The following SEC31A variants were observed in gnomAD, a reference collection of about 807,000 sequenced individuals.
SEC31A encodes SEC31 homolog A, COPII component, also known as protein transport protein Sec31A.
A neutral mutation model predicts 151.0 loss-of-function variants in SEC31A; 70 were observed. The observed-to-expected ratio is 0.46, with a 90% CI of 0.38 to 0.57. The LOEUF is 0.57. Ranked by LOEUF, SEC31A falls within the 20% of genes least tolerant of loss-of-function variation. The pLI, the probability that SEC31A is intolerant of heterozygous loss-of-function variation, is 0.00. For synonymous variants in SEC31A, 475 were observed against 505.9 expected, an observed-to-expected ratio of 0.94 and a Z score of 0.82; for missense variants, 1,330 against 1,471.2, an observed-to-expected ratio of 0.90 and a Z score of 1.57.
intron 22 of SEC31A, among the ~76,000 whole-genome samples, chr4:82,833,432 TA>T (rs942629434): frequency 8.0e-5 from 12 of 150,700 alleles, no homozygotes; most frequent in Admixed American, 5.9e-4. Context: ...AACATTAGGA[TA>T]AATACCTAAT....
At chr4:82,819,619 T>A (rs1311700933) in intron 26 of SEC31A, among the ~76,000 whole-genome samples, 4 of 152,192 alleles carry the variant, frequency 2.6e-5, no homozygotes, top group African/African-American at 4.8e-5. Flanking sequence ...AGATTCTTAA[T>A]CATAATATCT....
chr4:82,848,746 C>T (rs981492790), intron 20 of SEC31A, 58 bp downstream of exon 20: 8 of 1,481,390 alleles, frequency 5.4e-6, no homozygotes, highest in Non-Finnish European at 7.3e-6. Context: ...AAATGAAAAC[C>T]ACCAATTTGA....
At chr4:82,889,989 A>T (rs993680541) in intron 1 of SEC31A, among the ~76,000 whole-genome samples, 3 of 152,064 alleles carry the variant, frequency 2.0e-5, no homozygotes. Context: ...GCACTTCGGG[A>T]GGCCAACTCG....
At chr4:82,885,349 G>C (rs1740446389) in intron 1 of SEC31A, among the ~76,000 whole-genome samples, 1 of 151,882 alleles carries the variant, frequency 6.6e-6, no homozygotes, top group African/African-American at 2.4e-5. Flanking sequence ...TTCATTGTCT[G>C]TTTTCTTTTT....
Position 82,828,989 on chromosome 4 carries a change from T to C in SEC31A, c.3027+11A>G. On this transcript the variant is annotated intron_variant, in intron 23 of 26. Transcript: ENST00000395310. ...TCTGTAGGCCATTGGATGGACATCT[T>C]TTTCTAGTACCTTCTTCTTTTTGGG... 4 of 1,611,930 alleles carry C rather than the reference T, an allele frequency of 2.5e-6. No individual in the cohort carries two copies.
rs992540701 is a variant in SEC31A, at chr4:82,850,083, C to T, written c.2329-1106G>A. The stretch of plus-strand genomic sequence containing the variant: ...AATAGGAAACAACATCAAAATTATG[C>T]TTTTTGGCCTAAAGAATGTTCTTTA... On this transcript the variant is annotated intron_variant, in intron 19 of 26. Transcript: ENST00000395310. 4.0e-5 allele frequency among the ~76,000 whole-genome samples: 6 copies of T among 149,104 alleles called. No homozygotes were observed. In the East Asian group the frequency reaches 1.2e-3, roughly 30 times the overall value.
intron 1 of SEC31A, among the ~76,000 whole-genome samples, chr4:82,883,760 T>C (rs1176061582): frequency 1.3e-5 from 2 of 151,698 alleles, no homozygotes; most frequent in African/African-American, 4.8e-5. Context: ...GCCCGGGAAG[T>C]TGAGGCTGCA....
At chr4:82,879,138 T>G (rs2125805296) in intron 3 of SEC31A, among the ~76,000 whole-genome samples, 1 of 152,314 alleles carries the variant, frequency 6.6e-6, no homozygotes, top group Admixed American at 6.5e-5. Flanking sequence ...TTGTAATCCT[T>G]AAAGAGTAAA....
chr4:82,882,225 G>A lies in SEC31A; in HGVS notation c.-4-285C>T, dbSNP rs569190141. ...GAGACCATCCTGGCTAACATGGTGA[G>A]ACCCCATCTCTACTAAAAATACAAA... On this transcript the variant is annotated intron_variant, in intron 1 of 26. Coordinates refer to ENST00000395310, the MANE Select transcript of SEC31A (RefSeq NM_001077207.4). 6.7e-3 allele frequency among the ~76,000 whole-genome samples: 1,019 copies of A among 151,772 alleles called. 10 individuals carry two copies. Among genetic ancestry groups the A allele is most frequent in the African/African-American group, 0.022 (927 of 41,368 alleles).
In SEC31A at chr4:82,864,564, C is replaced by T. The variant is rs1312929028; in HGVS notation, c.1232G>A (p.Arg411Lys). ...GGKLVTFENV[R>K]MPSHQGAEQQ... ...CTCAGCTCCCTGATGAGAAGGCATT[C>T]TGACATTCTCAAACGTAACCAGTTT... The change falls in exon 11 of 27, where the codon AGA (arginine) becomes AAA (lysine). Residue 411 changes from arginine (R) to lysine (K), a missense_variant. Arg to Lys is a conservative substitution (Grantham distance 26). Transcript: ENST00000395310. The T allele has an allele frequency of 6.2e-7, 1 of 1,614,014 alleles. No individual in the cohort carries two copies.
rs971934725 is a variant in SEC31A, at chr4:82,857,722, A to T, written c.1669T>A (p.Ser557Thr). 5.6e-6 allele frequency: 9 copies of T among 1,604,348 alleles called. No individual in the cohort carries two copies. The highest frequency in any genetic ancestry group is 6.8e-6 in the Non-Finnish European group (8 of 1,171,614). ...EKEESEFLPS[S>T]GGTFNISVSG... ...ACAGAGATATTAAATGTTCCTCCAG[A>T]TGAGGGTAGAAATTCAGATTCTTCT... Residue 557 changes from serine to threonine, a missense_variant, in exon 15 of 27, where the codon TCT becomes ACT. Transcript: ENST00000395310.
rs759613445 is a variant in SEC31A at position 82,863,443 on chromosome 4, G to A, written c.1435-51C>T. 2.9e-5 allele frequency: 29 copies of A among 993,596 alleles called. 1 individual carries two copies. Among genetic ancestry groups the A allele is most frequent in the South Asian group, 1.9e-4 (12 of 63,596 alleles). 61.5% of individuals were successfully genotyped at this position (993,596 alleles called of 1,614,324 possible). ...AAACAAAGACCTACATTTAAAGGCC[G>A]AATTTTTATAAGAATGAATCAAATT... On this transcript the variant is annotated intron_variant, in intron 11 of 26. Coordinates refer to ENST00000395310, the MANE Select transcript of SEC31A (RefSeq NM_001077207.4).
At chr4:82,871,832 C>T in intron 7 of SEC31A, 112 bp downstream of exon 7, 1 of 1,365,674 alleles carries the variant, frequency 7.3e-7, no homozygotes, top group Non-Finnish European at 1.0e-6. Flanking sequence ...GAGCAAAACT[C>T]CATCTAAAAA....
chr4:82,871,387 C>G, intron 7 of SEC31A: 1 of 1,526,056 alleles, frequency 6.6e-7, no homozygotes. Flanking sequence ...GGCATGAAAT[C>G]TAACTGCAGT....
chr4:82,872,119 C>A, intron 6 of SEC31A, 33 bp from the exon 7 acceptor site: 1 of 1,551,894 alleles, frequency 6.4e-7, no homozygotes, highest in South Asian at 1.1e-5. Flanking sequence ...TTTTATGAAT[C>A]AAATTACTTT....
chr4:82,832,266 C>A (rs541988097), intron 22 of SEC31A, among the ~76,000 whole-genome samples: 77 of 152,274 alleles, frequency 5.1e-4, no homozygotes, highest in Non-Finnish European at 8.4e-4. Flanking sequence ...CATCTACCAG[C>A]ATCTGATATT....
intron 14 of SEC31A, among the ~76,000 whole-genome samples, chr4:82,861,239 T>A (rs188258686): frequency 6.6e-6 from 1 of 152,344 alleles, no homozygotes; most frequent in Admixed American, 6.5e-5. Context: ...TGTTCAGTAC[T>A]AATTCAGAGG....
chr4:82,825,141 A>T (rs547252935), intron 24 of SEC31A, among the ~76,000 whole-genome samples: 1 of 152,370 alleles, frequency 6.6e-6, no homozygotes, highest in Non-Finnish European at 1.5e-5. Flanking sequence ...CTGCAAGATT[A>T]AGCCAAAGAT....
intron 12 of SEC31A, 131 bp downstream of exon 12, chr4:82,863,187 A>G: frequency 1.6e-6 from 1 of 612,244 alleles, no homozygotes; most frequent in South Asian, 2.2e-5. Context: ...AAAAAGGGAA[A>G]AAACGCTGGC....
Sources: gnomAD v4.1 joint callset for allele counts (sites outside exome capture counted in the v4.1 genomes callset) on GRCh38, gnomAD v4.1.1 for gene constraint, MANE v1.5 for transcripts, NCBI Gene and HGNC (gene_info 2026-07-23, HGNC 2026-07-21) for gene names.